The following XRRA1 variants were observed in gnomAD, a reference collection of about 807,000 sequenced individuals.
XRRA1 encodes the protein X-ray radiation resistance associated 1.
A neutral mutation model predicts 80.2 loss-of-function variants in XRRA1; 69 were observed. The ratio of observed to expected loss-of-function variants is 0.86; its 90% confidence interval spans 0.71 to 1.05. The LOEUF (loss-of-function observed/expected upper bound fraction) is 1.05, where lower values mean the gene tolerates loss of function less well. Ranked by LOEUF, XRRA1 falls within the 50% of genes least tolerant of loss-of-function variation. XRRA1 has a pLI of 0.00. For missense variants in XRRA1, 967 were observed against 976.4 expected, an observed-to-expected ratio of 0.99 and a Z score of 0.13; for synonymous variants, 348 against 389.9, an observed-to-expected ratio of 0.89 and a Z score of 1.27.
At chr11:74,877,057 G>A (rs1297870880) in intron 10 of XRRA1, 1 of 152,112 alleles carries the variant, frequency 6.6e-6, no homozygotes. Flanking sequence ...ATTTGCAGTA[G>A]GACTATATAC....
chr11:74,845,256 A>G lies in XRRA1; in HGVS notation c.1744T>C (p.Ser582Pro), dbSNP rs776688467. 3 of 1,613,122 alleles carry G rather than the reference A, an allele frequency of 1.9e-6. No individual in the cohort carries two copies. In the South Asian group the frequency reaches 3.3e-5, roughly 18 times the overall value. Reference protein sequence around the residue: ...IFLTQVSELPSSVIHKDDLEL... With the variant: ...IFLTQVSELPPSVIHKDDLEL... Reference sequence around the variant, plus strand: ...AAATCATCCTTATGGATGACGGAGGAAGGCAGTTCACTCACCTGTGCCCAG... The same window carrying G: ...AAATCATCCTTATGGATGACGGAGGGAGGCAGTTCACTCACCTGTGCCCAG... The change falls in exon 16 of 19, where the codon TCC becomes CCC. Residue 582 changes from serine to proline, a missense_variant. By Grantham distance (74) the Ser-to-Pro change is moderately conservative. Transcript: ENST00000684022.
At chr11:74,906,862 T>G in intron 9 of XRRA1, 1 of 432,146 alleles carries the variant, frequency 2.3e-6, no homozygotes, top group Non-Finnish European at 4.1e-6. Flanking sequence ...CTGTCTCTAC[T>G]GTCAGGGTCC....
chr11:74,881,598 G>T (rs1431435486), intron 10 of XRRA1, among the ~76,000 whole-genome samples: 1 of 152,006 alleles, frequency 6.6e-6, no homozygotes, highest in African/African-American at 2.4e-5. Context: ...GCAGCAGCTG[G>T]TACCGGTTGT....
chr11:74,937,932 C>T (rs1003116636), intron 3 of XRRA1, among the ~76,000 whole-genome samples: 1 of 152,206 alleles, frequency 6.6e-6, no homozygotes, highest in Non-Finnish European at 1.5e-5. Context: ...GAACAAATGA[C>T]TGAATGAACC....
At chr11:74,947,878 C>A (rs971348420) in intron 1 of XRRA1, among the ~76,000 whole-genome samples, 1 of 152,202 alleles carries the variant, frequency 6.6e-6, no homozygotes, top group African/African-American at 2.4e-5. Flanking sequence ...GTGCCCGCTA[C>A]CACGCCCGGC....
intron 10 of XRRA1, among the ~76,000 whole-genome samples, chr11:74,900,231 A>G (rs1173387134): frequency 6.6e-6 from 1 of 152,162 alleles, no homozygotes; most frequent in Non-Finnish European, 1.5e-5. Context: ...TCTGATGAAT[A>G]TTGATGCAGA....
chr11:74,923,534 CT>C (rs1359164309), intron 7 of XRRA1, among the ~76,000 whole-genome samples: 1 of 152,218 alleles, frequency 6.6e-6, no homozygotes, highest in African/African-American at 2.4e-5. Context: ...CTTAATATCT[CT>C]CATGCTTGTT....
intron 13 of XRRA1, 40 bp downstream of exon 13, chr11:74,851,949 G>A (rs202039124): frequency 1.3e-6 from 2 of 1,561,720 alleles, no homozygotes; most frequent in African/African-American, 1.3e-5. Context: ...CTGCTCCTTG[G>A]GCACTGGGTT....
chr11:74,898,668 CAAAG>C (rs967700448), intron 10 of XRRA1, among the ~76,000 whole-genome samples: 8 of 151,788 alleles, frequency 5.3e-5, no homozygotes, highest in African/African-American at 7.2e-5. Flanking sequence ...ATTAAAAAAA[CAAAG>C]AAGATAATTA....
At position 74,863,012 on chromosome 11, in the gene XRRA1, AAC is replaced by A. The variant is rs2042626105; in HGVS notation, c.1011_1012del (p.Ser339IlefsTer46). ...GGTTGAAAATCCAGGGTAAGATGAA[AAC>A]ACAACCTCTGAAACAGAAGAGAAAC... On this transcript the variant is annotated frameshift_variant, in exon 11 of 19. Transcript: ENST00000684022. LOFTEE classifies it high-confidence loss of function. 1.2e-6 allele frequency: 2 copies of A among 1,603,700 alleles called. No homozygotes were observed. The highest frequency in any genetic ancestry group is 1.3e-5 in the African/African-American group (1 of 74,772).
At chr11:74,931,027 G>A (rs1384412367) in intron 5 of XRRA1, among the ~76,000 whole-genome samples, 2 of 151,840 alleles carry the variant, frequency 1.3e-5, no homozygotes, top group East Asian at 3.9e-4. Context: ...GGCTGGTCTC[G>A]AACTGCTGCG....
At chr11:74,906,516 C>A (rs1169754529) in intron 9 of XRRA1, 60 bp from the exon 10 acceptor site, 2 of 1,559,830 alleles carry the variant, frequency 1.3e-6, no homozygotes, top group South Asian at 1.2e-5. Context: ...GGATTGTTTA[C>A]CAAGCAACTT....
chr11:74,851,972 G>C lies in XRRA1; in HGVS notation c.1264+17C>G, dbSNP rs2039981576. 1 of 1,610,638 alleles carries C rather than the reference G, an allele frequency of 6.2e-7. No homozygotes were observed. The highest frequency in any genetic ancestry group is 1.3e-5 in the African/African-American group (1 of 74,830). Reference sequence around the variant, plus strand: ...TGGGCACTGGGTTGAGAGGGGGCAGGTTTGCGGGCACTATACCTCGTGTAT... The same window carrying C: ...TGGGCACTGGGTTGAGAGGGGGCAGCTTTGCGGGCACTATACCTCGTGTAT... On this transcript the variant is annotated intron_variant, in intron 13 of 18. Coordinates refer to ENST00000684022, the MANE Select transcript of XRRA1 (RefSeq NM_001378157.1).
chr11:74,906,582 G>T, intron 9 of XRRA1, 126 bp from the exon 10 acceptor site: 1 of 1,053,940 alleles, frequency 9.5e-7, no homozygotes, highest in Non-Finnish European at 1.3e-6. Context: ...GTGACGTTGA[G>T]CCGGTGACTT....
intron 7 of XRRA1, among the ~76,000 whole-genome samples, chr11:74,922,660 T>C (rs976842881): frequency 1.3e-5 from 2 of 152,198 alleles, no homozygotes; most frequent in African/African-American, 4.8e-5. Context: ...CAGTATTACA[T>C]AGTCAGACAT....
intron 8 of XRRA1, among the ~76,000 whole-genome samples, chr11:74,912,052 G>C (rs11236269): frequency 0.34 from 51,266 of 152,034 alleles, 9,565 homozygotes; most frequent in Non-Finnish European, 0.43. Context: ...AGAAAGACAA[G>C]GGGAAGGGCA....
At chr11:74,942,453 C>T (rs936040089) in intron 2 of XRRA1, among the ~76,000 whole-genome samples, 10 of 152,240 alleles carry the variant, frequency 6.6e-5, no homozygotes, top group Middle Eastern at 3.4e-3. Flanking sequence ...GGTAAAATTG[C>T]GAGATGGGTG....
At chr11:74,927,582 AG>A (rs1304023422) in intron 6 of XRRA1, 94 bp from the exon 7 acceptor site, 19 of 847,470 alleles carry the variant, frequency 2.2e-5, no homozygotes, top group Middle Eastern at 2.4e-4. Flanking sequence ...CTACTGGGTT[AG>A]GCCAGGCACT....
chr11:74,941,987 C>T (rs1311815839), intron 2 of XRRA1, among the ~76,000 whole-genome samples: 1 of 151,998 alleles, frequency 6.6e-6, no homozygotes, highest in African/African-American at 2.4e-5. Flanking sequence ...GTGGTACATG[C>T]CTGTGGTCCC....
Sources: gnomAD v4.1 joint callset for allele counts (sites outside exome capture counted in the v4.1 genomes callset) on GRCh38, gnomAD v4.1.1 for gene constraint, MANE v1.5 for transcripts, NCBI Gene and HGNC (gene_info 2026-07-23, HGNC 2026-07-21) for gene names.